Variants in RBFOX1 observed in about 807,000 individuals in gnomAD.
The protein encoded by RBFOX1 is RNA binding fox-1 homolog 1, also known as RNA binding protein fox-1 homolog 1.
RBFOX1 carries 8 observed loss-of-function variants against 57.7 expected under a neutral mutation model. The observed-to-expected ratio is 0.14, with a 90% CI of 0.08 to 0.25. RBFOX1 has a LOEUF of 0.25. RBFOX1 is among the 10% of genes least tolerant of loss of function. RBFOX1 has a pLI of 1.00. For missense variants in RBFOX1, 611 were observed against 548.5 expected (o/e 1.11, Z -1.14); for synonymous variants, 326 against 222.4 (o/e 1.47, Z -4.15).
intron 1 of RBFOX1, among the ~76,000 whole-genome samples, chr16:6,236,504 G>A (rs920683087): frequency 4.0e-5 from 6 of 151,266 alleles, no homozygotes; most frequent in African/African-American, 9.7e-5. Flanking sequence ...GCGCCATCTC[G>A]GCTCACTGCA....
chr16:6,654,715 G>C (rs2098633902), intron 3 of RBFOX1, 65 bp downstream of exon 3: 5 of 1,272,980 alleles, frequency 3.9e-6, no homozygotes, highest in Admixed American at 2.7e-5. Flanking sequence ...TTGAACCCAG[G>C]TGTTTAAGGC....
intron 3 of RBFOX1, among the ~76,000 whole-genome samples, chr16:6,789,113 G>T (rs1036635368): frequency 3.9e-5 from 6 of 151,948 alleles, no homozygotes; most frequent in Non-Finnish European, 8.8e-5. Context: ...GAATTTACCA[G>T]ATTAGGATTT....
At chr16:5,566,302 G>A (rs144775995) in intron 2 of RBFOX1, among the ~76,000 whole-genome samples, 76 of 152,244 alleles carry the variant, frequency 5.0e-4, no homozygotes, top group African/African-American at 1.8e-3. Context: ...TGTCAGCACT[G>A]TAACGGCATT....
At chr16:7,271,014 C>G (rs1352941500) in intron 4 of RBFOX1, among the ~76,000 whole-genome samples, 1 of 152,032 alleles carries the variant, frequency 6.6e-6, no homozygotes, top group Non-Finnish European at 1.5e-5. Flanking sequence ...CTTTATTAGC[C>G]CTGCTTAAAT....
intron 1 of RBFOX1, among the ~76,000 whole-genome samples, chr16:5,403,835 A>C (rs1249687628): frequency 6.6e-6 from 1 of 152,176 alleles, no homozygotes; most frequent in East Asian, 1.9e-4. Context: ...CCTGGGTCCC[A>C]ACTTGCAGTT....
intron 3 of RBFOX1, among the ~76,000 whole-genome samples, chr16:5,669,080 G>C (rs902280122): frequency 2.6e-5 from 4 of 152,176 alleles, no homozygotes; most frequent in African/African-American, 9.7e-5. Flanking sequence ...CCCCAACAAA[G>C]ATCTCAATTC....
At chr16:6,306,290 G>C (rs909719728) in intron 1 of RBFOX1, among the ~76,000 whole-genome samples, 3 of 152,148 alleles carry the variant, frequency 2.0e-5, no homozygotes, top group Admixed American at 2.0e-4. Context: ...TTTGAGCTGA[G>C]AGTTGAATCA....
chr16:6,181,056 A>T (rs1245014526), intron 1 of RBFOX1, among the ~76,000 whole-genome samples: 1 of 152,168 alleles, frequency 6.6e-6, no homozygotes. Context: ...CTTTCCAAGT[A>T]TTTAGACTCT....
chr16:6,284,491 G>A (rs1039988417), intron 1 of RBFOX1, among the ~76,000 whole-genome samples: 5 of 152,124 alleles, frequency 3.3e-5, no homozygotes, highest in Non-Finnish European at 5.9e-5. Context: ...CAGGTGGGTG[G>A]GCTGCGAAGT....
At chr16:6,643,641 G>T (rs1459897911) in intron 2 of RBFOX1, among the ~76,000 whole-genome samples, 1 of 152,150 alleles carries the variant, frequency 6.6e-6, no homozygotes, top group Non-Finnish European at 1.5e-5. Flanking sequence ...GTGTAAGGGA[G>T]AGTATAAAAT....
chr16:5,538,456 A>G (rs1342653475), intron 2 of RBFOX1, among the ~76,000 whole-genome samples: 1 of 152,172 alleles, frequency 6.6e-6, no homozygotes, highest in East Asian at 1.9e-4. Context: ...TAGACGAAAA[A>G]TGAGGAGGAT....
chr16:7,079,396 G>C (rs2058810801), intron 4 of RBFOX1, among the ~76,000 whole-genome samples: 1 of 152,144 alleles, frequency 6.6e-6, no homozygotes, highest in Non-Finnish European at 1.5e-5. Context: ...AACACAGAAT[G>C]CTTCATATGG....
At chr16:6,052,550 C>T (rs1212736055) in intron 1 of RBFOX1, among the ~76,000 whole-genome samples, 2 of 151,816 alleles carry the variant, frequency 1.3e-5, no homozygotes, top group Admixed American at 6.6e-5. Flanking sequence ...TTTGGGAGGC[C>T]GAGGCGGGCG....
intron 3 of RBFOX1, among the ~76,000 whole-genome samples, chr16:5,820,643 G>C (rs1352328652): frequency 6.6e-6 from 1 of 152,174 alleles, no homozygotes; most frequent in Non-Finnish European, 1.5e-5. Context: ...TTTTCCCCAT[G>C]AATCAGCTCT....
In RBFOX1 at chr16:7,110,727, C is replaced by G. The variant is rs778822724; in HGVS notation, c.27+58629C>G. ...CAGCCTGGCATTAATAGCCTAAAAA[C>G]AAGATTTTTGAGTTTTTCTTAAAAT... On this transcript the variant is annotated intron_variant, in intron 4 of 15. Coordinates refer to ENST00000550418, the MANE Select transcript of RBFOX1 (RefSeq NM_018723.4). Among the ~76,000 whole-genome samples, 6 of 152,162 alleles carry G rather than the reference C, an allele frequency of 3.9e-5. No individual in the cohort carries two copies. The South Asian group carries it at 8.3e-4, about 21-fold the overall frequency.
chr16:7,408,020 A>G (rs2098376121), intron 4 of RBFOX1, among the ~76,000 whole-genome samples: 1 of 152,218 alleles, frequency 6.6e-6, no homozygotes, highest in Non-Finnish European at 1.5e-5. Context: ...GGCTCTTTAC[A>G]GAAAAAAAGA....
chr16:5,900,343 G>T (rs1597702175), intron 4 of RBFOX1, among the ~76,000 whole-genome samples: 1 of 152,112 alleles, frequency 6.6e-6, no homozygotes, highest in South Asian at 2.1e-4. Flanking sequence ...AAATAGTGGA[G>T]GAGAGAATAG....
rs1390619884 is a variant in RBFOX1, at chr16:6,689,465, A to G, written c.-16+34815A>G. On this transcript the variant is annotated intron_variant, in intron 3 of 15. Coordinates refer to ENST00000550418, the MANE Select transcript of RBFOX1 (RefSeq NM_018723.4). ...GGTAATTTCTTCTCATGTGTTTTAA[A>G]TACTCATCTTCTAAGGCTGAGTAAG... 2.0e-5 allele frequency among the ~76,000 whole-genome samples: 3 copies of G among 152,204 alleles called. No homozygotes were observed. In the East Asian group the frequency reaches 5.8e-4, roughly 29 times the overall value.
chr16:5,676,206 A>G (rs34683893), intron 3 of RBFOX1, among the ~76,000 whole-genome samples: 86,018 of 151,744 alleles, frequency 0.57, 28,216 homozygotes, highest in Non-Finnish European at 0.74. Flanking sequence ...ATGTATACCT[A>G]TGCGACAAAC....
Sources: allele counts gnomAD v4.1 joint callset (sites outside exome capture counted in the v4.1 genomes callset), GRCh38; gene constraint gnomAD v4.1.1; transcripts MANE v1.5; gene names NCBI Gene and HGNC (gene_info 2026-07-23, HGNC 2026-07-21).